PTAR1: variants seen among roughly 807,000 people sequenced by gnomAD.
The protein encoded by PTAR1 is protein prenyltransferase alpha subunit repeat-containing protein 1.
A neutral mutation model predicts 45.5 loss-of-function variants in PTAR1; 17 were observed. The observed-to-expected ratio is 0.37, with a 90% CI of 0.26 to 0.56. The LOEUF is 0.56. PTAR1 is among the 20% of genes least tolerant of loss of function. The pLI is 0.77. For missense variants in PTAR1, 391 were observed against 476.3 expected (o/e 0.82, Z 1.67); for synonymous variants, 169 against 171.3 (o/e 0.99, Z 0.11).
chr9:69,751,063 T>C (rs1049894001), intron 1 of PTAR1, 113 bp from the exon 2 acceptor site: 3 of 762,130 alleles, frequency 3.9e-6, no homozygotes, highest in Non-Finnish European at 6.2e-6. Context: ...TCCTTACAAA[T>C]ATTATTTAGC....
Position 69,718,429 on chromosome 9 carries a change from A to G in PTAR1, c.1122T>C (p.Ile374=). Residue 374 remains isoleucine, a synonymous_variant, in exon 8 of 8, where the codon ATT becomes ATC. Coordinates refer to ENST00000340434, the MANE Select transcript of PTAR1 (RefSeq NM_001099666.2). ...SLGLEMEHRF[I]DQVLSTCRNV... is the part of the protein sequence containing the mutation. The stretch of plus-strand genomic sequence containing the variant: ...TCCGACAGGTGGACAATACTTGATC[A>G]ATGAACCTGTGCTCCATTTCTAGGC... 6.2e-7 allele frequency: 1 copy of G among 1,613,676 alleles called. No individual in the cohort carries two copies. The highest frequency in any genetic ancestry group is 8.5e-7 in the Non-Finnish European group (1 of 1,179,692).
intron 2 of PTAR1, among the ~76,000 whole-genome samples, chr9:69,747,737 A>G (rs1826337993): frequency 6.6e-6 from 1 of 152,194 alleles, no homozygotes; most frequent in Admixed American, 6.5e-5. Flanking sequence ...TCAAGTGAAG[A>G]CAGAAATCAG....
At chr9:69,741,555 A>G (rs1826043777) in intron 3 of PTAR1, 2 of 487,520 alleles carry the variant, frequency 4.1e-6, no homozygotes, top group Admixed American at 3.3e-5. Context: ...AGCATGTATC[A>G]AACAGTATAC....
chr9:69,730,833 T>C (rs564550791), intron 5 of PTAR1, among the ~76,000 whole-genome samples: 1 of 152,118 alleles, frequency 6.6e-6, no homozygotes, highest in East Asian at 1.9e-4. Context: ...TGGTAGCCAA[T>C]TTTCTATCTC....
At chr9:69,732,393 A>G (rs1825581159) in intron 4 of PTAR1, 41 bp from the exon 5 acceptor site, 1 of 1,403,820 alleles carries the variant, frequency 7.1e-7, no homozygotes, top group South Asian at 1.2e-5. Flanking sequence ...CAGAAAGAAC[A>G]TAAACCAGAG....
chr9:69,730,234 T>C (rs778761358), intron 5 of PTAR1, among the ~76,000 whole-genome samples: 1 of 152,054 alleles, frequency 6.6e-6, no homozygotes, highest in African/African-American at 2.4e-5. Flanking sequence ...GGAAGGATGA[T>C]GACATCTGAA....
Position 69,716,842 on chromosome 9 carries a change from TA to T in PTAR1, c.*1499del, listed in dbSNP as rs1256471775. 2 of 152,078 alleles carry T rather than the reference TA, an allele frequency of 1.3e-5. No homozygotes were observed. Among genetic ancestry groups the T allele is most frequent in the East Asian group, 1.9e-4 (1 of 5,186 alleles). 9.4% of individuals were successfully genotyped at this position (152,078 alleles called of 1,614,324 possible). A position where few individuals can be genotyped will look rare whatever the true frequency, so the allele number is the denominator to read the frequency against. On this transcript the variant is annotated 3_prime_UTR_variant, in exon 8 of 8. Transcript: ENST00000340434. ...GATGAGGTATGAAATTCATTGCAAA[TA>T]GGGGGTAGAAATCTTGAAGACACAC...
At chr9:69,721,040 T>C (rs1320610222) in intron 6 of PTAR1, among the ~76,000 whole-genome samples, 1 of 152,210 alleles carries the variant, frequency 6.6e-6, no homozygotes, top group Non-Finnish European at 1.5e-5. Flanking sequence ...CAAGTCTTGT[T>C]AAGAAATACA....
intron 1 of PTAR1, among the ~76,000 whole-genome samples, chr9:69,753,462 T>C (rs866804520): frequency 5.3e-5 from 8 of 152,166 alleles, no homozygotes; most frequent in African/African-American, 9.6e-5. Context: ...TAATAAAGTA[T>C]ACTGAAAACA....
At chr9:69,728,274 C>T (rs2134097680) in intron 5 of PTAR1, among the ~76,000 whole-genome samples, 1 of 152,178 alleles carries the variant, frequency 6.6e-6, no homozygotes. Context: ...TGTGTTTTCA[C>T]TTCTCTTGGG....
rs899731028 is a variant in PTAR1, at chr9:69,712,633, T to C, written c.*5709A>G. 6 of 152,090 alleles carry C rather than the reference T, an allele frequency of 3.9e-5. No homozygotes were observed. The highest frequency in any genetic ancestry group is 1.2e-4 in the African/African-American group (5 of 41,422). The allele number at this position is 152,090 out of a possible 1,614,324, so 9.4% of individuals were successfully genotyped here. ...AATGTGCAAGGCAGTATGCAATGTG[T>C]TGAACATATATGAGGTCTACACATA... On this transcript the variant is annotated 3_prime_UTR_variant, in exon 8 of 8. Transcript: ENST00000340434.
chr9:69,754,138 T>A (rs2134171933), intron 1 of PTAR1, among the ~76,000 whole-genome samples: 1 of 152,328 alleles, frequency 6.6e-6, no homozygotes, highest in East Asian at 1.9e-4. Context: ...GACTTCTGTG[T>A]CTCATCCCTT....
chr9:69,723,743 A>C (rs1196368626), intron 5 of PTAR1, 113 bp from the exon 6 acceptor site: 1 of 827,680 alleles, frequency 1.2e-6, no homozygotes, highest in East Asian at 2.5e-5. Flanking sequence ...GACCATTCTT[A>C]CCAATATTTT....
Position 69,748,423 on chromosome 9 carries a change from TCTAA to T in PTAR1, c.256+2354_256+2357del, listed in dbSNP as rs754351227. On this transcript the variant is annotated intron_variant, in intron 2 of 7. Coordinates refer to ENST00000340434, the MANE Select transcript of PTAR1 (RefSeq NM_001099666.2). ...AGACTTAAAAAAAAAAAAATCAATCTCTAACTAACTAACTAAACAGGGATAATTC... is the reference window on the plus strand; with the variant it reads ...AGACTTAAAAAAAAAAAAATCAATCTCTAACTAACTAAACAGGGATAATTC... Among the ~76,000 whole-genome samples the T allele has an allele frequency of 2.2e-3, 334 of 151,420 alleles. 1 individual carries two copies. Among genetic ancestry groups the T allele is most frequent in the Non-Finnish European group, 3.7e-3 (248 of 67,840 alleles).
At chr9:69,729,770 A>G (rs187103564) in intron 5 of PTAR1, among the ~76,000 whole-genome samples, 1 of 152,330 alleles carries the variant, frequency 6.6e-6, no homozygotes, top group East Asian at 1.9e-4. Flanking sequence ...TGAAGCTTCT[A>G]ATCATTCTAC....
intron 2 of PTAR1, among the ~76,000 whole-genome samples, chr9:69,749,747 C>G (rs1180218245): frequency 2.0e-5 from 3 of 152,060 alleles, no homozygotes; most frequent in Non-Finnish European, 1.5e-5. Flanking sequence ...GTATGTCATA[C>G]ATTAGGCAAC....
At chr9:69,740,684 G>A (rs7039383) in intron 3 of PTAR1, among the ~76,000 whole-genome samples, 141,713 of 150,724 alleles carry the variant, frequency 0.94, 66,633 homozygotes, top group Middle Eastern at 0.99. Flanking sequence ...CATGGTCCCT[G>A]CCCTTAAAAA....
At chr9:69,745,142 G>T (rs1216431296) in intron 2 of PTAR1, among the ~76,000 whole-genome samples, 1 of 152,180 alleles carries the variant, frequency 6.6e-6, no homozygotes, top group East Asian at 1.9e-4. Flanking sequence ...ATCACTGACT[G>T]ACAAAGAAAT....
intron 4 of PTAR1, among the ~76,000 whole-genome samples, 180 bp from the exon 5 acceptor site, chr9:69,732,532 A>T (rs1564134212): frequency 6.6e-6 from 1 of 151,994 alleles, no homozygotes; most frequent in East Asian, 1.9e-4. Flanking sequence ...GATGATACTA[A>T]TTTAGCAGTA....
Sources: allele counts gnomAD v4.1 joint callset (sites outside exome capture counted in the v4.1 genomes callset), GRCh38; gene constraint gnomAD v4.1.1; transcripts MANE v1.5; gene names NCBI Gene and HGNC (gene_info 2026-07-23, HGNC 2026-07-21).